BCKDHB: variants seen among roughly 807,000 people sequenced by gnomAD.
BCKDHB encodes the protein branched chain keto acid dehydrogenase E1 subunit beta.
In BCKDHB, 41 loss-of-function variants were observed where a neutral mutation model predicts 48.5. That is an observed-to-expected ratio of 0.85 (90% CI 0.66 to 1.10). The LOEUF (loss-of-function observed/expected upper bound fraction) is 1.10. Among genes scored for constraint, BCKDHB ranks in the 50% least tolerant of loss-of-function variants. The pLI is 0.00. For synonymous variants in BCKDHB, 201 were observed against 174.8 expected (o/e 1.15, Z -1.18); for missense variants, 496 against 494.2 (o/e 1.00, Z -0.03).
chr6:80,431,090 TCAGGAG>T, the BCKDHB span, among the ~76,000 whole-genome samples: 16 of 152,326 alleles, frequency 1.1e-4, no homozygotes, highest in African/African-American at 2.9e-4. Flanking sequence ...CAGTAGTCAT[TCAGGAG>T]CAGGTTGTTC....
intron 3 of BCKDHB, chr6:80,135,714 G>A (rs1770852235): frequency 6.6e-6 from 1 of 152,026 alleles, no homozygotes; most frequent in African/African-American, 2.4e-5. Context: ...CATTTTTACA[G>A]TTCAGTGTTA....
At chr6:80,264,738 G>A (rs939189817) in intron 8 of BCKDHB, among the ~76,000 whole-genome samples, 1 of 152,070 alleles carries the variant, frequency 6.6e-6, no homozygotes, top group African/African-American at 2.4e-5. Flanking sequence ...GTAAACAATT[G>A]AGATTTGATT....
intron 9 of BCKDHB, among the ~76,000 whole-genome samples, chr6:80,331,593 G>T (rs1458810796): frequency 6.6e-6 from 1 of 152,170 alleles, no homozygotes; most frequent in Non-Finnish European, 1.5e-5. Context: ...AGCTGTGCTG[G>T]GTGAAACAGC....
the BCKDHB span, among the ~76,000 whole-genome samples, chr6:80,415,838 T>C: frequency 6.6e-6 from 1 of 151,970 alleles, no homozygotes; most frequent in Non-Finnish European, 1.5e-5. Flanking sequence ...CTAGTTTCCA[T>C]AGGAATGATA....
chr6:80,428,315 A>T, the BCKDHB span, among the ~76,000 whole-genome samples: 14 of 152,270 alleles, frequency 9.2e-5, no homozygotes, highest in Non-Finnish European at 1.5e-4. Flanking sequence ...TATTCTGAAT[A>T]GTGTTGCAGT....
At chr6:80,441,969 G>A in the BCKDHB span, among the ~76,000 whole-genome samples, 46 of 152,044 alleles carry the variant, frequency 3.0e-4, no homozygotes, top group Admixed American at 6.6e-4. Context: ...CAAATATAGC[G>A]TGCAATAAGA....
the BCKDHB span, among the ~76,000 whole-genome samples, chr6:80,449,073 G>GA: frequency 1.3e-5 from 2 of 152,096 alleles, no homozygotes; most frequent in Non-Finnish European, 1.5e-5. Flanking sequence ...AGTTATCACA[G>GA]AAAAAATGCC....
intron 3 of BCKDHB, among the ~76,000 whole-genome samples, chr6:80,134,800 T>A (rs1698688188): frequency 1.3e-5 from 2 of 152,102 alleles, no homozygotes; most frequent in Non-Finnish European, 2.9e-5. Context: ...TCACCCAGGC[T>A]GGAGTGCAGT....
intron 9 of BCKDHB, among the ~76,000 whole-genome samples, chr6:80,298,790 T>C (rs946490030): frequency 7.9e-5 from 12 of 152,104 alleles, no homozygotes; most frequent in Admixed American, 6.5e-4. Flanking sequence ...AAGAGTTCAG[T>C]GAGGCCAAAG....
At chr6:80,185,190 A>T (rs1295621791) in intron 6 of BCKDHB, among the ~76,000 whole-genome samples, 1 of 152,056 alleles carries the variant, frequency 6.6e-6, no homozygotes, top group Admixed American at 6.5e-5. Flanking sequence ...TCTTTCTTCT[A>T]CTTGTTATAG....
chr6:80,323,014 G>C (rs1327309177), intron 9 of BCKDHB, among the ~76,000 whole-genome samples: 1 of 150,174 alleles, frequency 6.7e-6, no homozygotes, highest in African/African-American at 2.5e-5. Context: ...AAGAGCTCAT[G>C]CTATGGAATT....
chr6:80,380,807 A>G, the BCKDHB span, among the ~76,000 whole-genome samples: 1 of 152,184 alleles, frequency 6.6e-6, no homozygotes, highest in East Asian at 1.9e-4. Context: ...AAAGAAGTAC[A>G]AACAGCCAAG....
At chr6:80,390,747 T>C in the BCKDHB span, among the ~76,000 whole-genome samples, 1 of 152,210 alleles carries the variant, frequency 6.6e-6, no homozygotes, top group African/African-American at 2.4e-5. Flanking sequence ...TAGGTTCAAG[T>C]TGAAAAGGGG....
chr6:80,198,292 C>T lies in BCKDHB; in HGVS notation c.743-2642C>T, dbSNP rs140885127. Reference sequence around the variant, plus strand: ...CCCTCATTTAGACAGTGGAAGTATCCGACTCAACATAGTTTGGGAGCTACA... The same window carrying T: ...CCCTCATTTAGACAGTGGAAGTATCTGACTCAACATAGTTTGGGAGCTACA... On this transcript the variant is annotated intron_variant, in intron 6 of 9. Transcript: ENST00000320393. Among the ~76,000 whole-genome samples, 7 of 152,124 alleles carry T rather than the reference C, an allele frequency of 4.6e-5. No homozygotes were observed. In the East Asian group the frequency reaches 7.7e-4, roughly 17 times the overall value.
intron 9 of BCKDHB, among the ~76,000 whole-genome samples, chr6:80,282,853 C>T (rs1269683878): frequency 1.3e-5 from 2 of 152,060 alleles, no homozygotes; most frequent in East Asian, 1.9e-4. Context: ...GTTTCTCTCA[C>T]ATGACATGGT....
the BCKDHB span, among the ~76,000 whole-genome samples, chr6:80,359,896 C>T: frequency 0.014 from 2,134 of 152,064 alleles, 52 homozygotes; most frequent in East Asian, 0.052. Flanking sequence ...GGCCAACACA[C>T]GTGTTTAAAT....
intron 8 of BCKDHB, among the ~76,000 whole-genome samples, chr6:80,205,456 G>A (rs1050310636): frequency 2.0e-5 from 3 of 151,996 alleles, no homozygotes; most frequent in East Asian, 3.9e-4. Flanking sequence ...AGGCAAAAAC[G>A]ATTCGTTGAA....
chr6:80,199,310 G>A (rs1277030798), intron 6 of BCKDHB, among the ~76,000 whole-genome samples: 1 of 152,066 alleles, frequency 6.6e-6, no homozygotes, highest in African/African-American at 2.4e-5. Flanking sequence ...GGTTACTTCT[G>A]GACGGTGGAG....
At chr6:80,255,197 T>G (rs913573891) in intron 8 of BCKDHB, among the ~76,000 whole-genome samples, 1 of 152,198 alleles carries the variant, frequency 6.6e-6, no homozygotes, top group South Asian at 2.1e-4. Flanking sequence ...TATTGTACTT[T>G]TGCTAACAGT....
Sources: allele counts gnomAD v4.1 joint callset (sites outside exome capture counted in the v4.1 genomes callset), GRCh38; gene constraint gnomAD v4.1.1; transcripts MANE v1.5; gene names NCBI Gene and HGNC (gene_info 2026-07-23, HGNC 2026-07-21).